TBC1D4: variants seen among roughly 807,000 people sequenced by gnomAD.
TBC1D4 encodes TBC (Tre-2, BUB2, CDC16) domain-containing protein.
TBC1D4 carries 121 observed loss-of-function variants against 142.5 expected under a neutral mutation model. The ratio of observed to expected loss-of-function variants is 0.85; its 90% confidence interval spans 0.73 to 0.99. The LOEUF is 0.99. TBC1D4 is among the 50% of genes least tolerant of loss of function. TBC1D4 has a pLI of 0.00. For synonymous variants in TBC1D4, 630 were observed against 628.2 expected, an observed-to-expected ratio of 1.00 and a Z score of -0.04; for missense variants, 1,475 against 1,606.6, an observed-to-expected ratio of 0.92 and a Z score of 1.40.
At chr13:75,374,478 C>G (rs1403206645) in intron 1 of TBC1D4, among the ~76,000 whole-genome samples, 2 of 152,104 alleles carry the variant, frequency 1.3e-5, no homozygotes, top group African/African-American at 4.8e-5. Context: ...AAGTATTTTT[C>G]AGGGCATAAT....
chr13:75,322,373 C>T (rs1317621458), intron 11 of TBC1D4, among the ~76,000 whole-genome samples: 1 of 152,118 alleles, frequency 6.6e-6, no homozygotes, highest in African/African-American at 2.4e-5. Context: ...AACACAGCTA[C>T]AAAAAGGTGA....
chr13:75,307,783 A>G (rs17064129), intron 14 of TBC1D4, among the ~76,000 whole-genome samples: 1,864 of 152,324 alleles, frequency 0.012, 41 homozygotes, highest in African/African-American at 0.042. Flanking sequence ...GTACAAAACT[A>G]TTCCTTCCGG....
At chr13:75,351,953 T>A (rs1327029889) in intron 4 of TBC1D4, among the ~76,000 whole-genome samples, 1 of 152,194 alleles carries the variant, frequency 6.6e-6, no homozygotes, top group African/African-American at 2.4e-5. Flanking sequence ...TTAAGCCCAT[T>A]TATCACATTT....
chr13:75,390,276 T>G (rs1320867350), intron 1 of TBC1D4, among the ~76,000 whole-genome samples: 2 of 11,716 alleles, frequency 1.7e-4, no homozygotes, highest in Non-Finnish European at 4.5e-4. Context: ...AGAGACTCCG[T>G]CAAAAAAAAA....
intron 1 of TBC1D4, among the ~76,000 whole-genome samples, chr13:75,453,339 T>C (rs1887603365): frequency 6.6e-6 from 1 of 152,080 alleles, no homozygotes; most frequent in Non-Finnish European, 1.5e-5. Context: ...ATATTTCATA[T>C]ATCATAGCCT....
rs575303074 is a variant in TBC1D4, at chr13:75,292,048, T to C, written c.3486+54A>G. The C allele has an allele frequency of 1.9e-5, 28 of 1,446,202 alleles. No homozygotes were observed. The East Asian group carries it at 6.2e-4, about 32-fold the overall frequency. 89.6% of individuals were successfully genotyped at this position (1,446,202 alleles called of 1,614,324 possible). A position where few individuals can be genotyped will look rare whatever the true frequency, so the allele number is the denominator to read the frequency against. Reference sequence around the variant, plus strand: ...TACATTTTTAGGCTAAAGCATTTAATATATATTCAGTAGAGAAAACTGCTA... The same window carrying C: ...TACATTTTTAGGCTAAAGCATTTAACATATATTCAGTAGAGAAAACTGCTA... On this transcript the variant is annotated intron_variant, in intron 19 of 20. Coordinates refer to ENST00000377636, the MANE Select transcript of TBC1D4 (RefSeq NM_014832.5).
At chr13:75,314,667 A>C (rs1878112513) in intron 12 of TBC1D4, among the ~76,000 whole-genome samples, 1 of 152,138 alleles carries the variant, frequency 6.6e-6, no homozygotes, top group Non-Finnish European at 1.5e-5. Context: ...TCCATTGTTC[A>C]AAACTCCTGA....
intron 14 of TBC1D4, among the ~76,000 whole-genome samples, chr13:75,308,738 C>A (rs772004938): frequency 2.0e-5 from 3 of 151,930 alleles, no homozygotes; most frequent in Non-Finnish European, 4.4e-5. Flanking sequence ...TTGAAGCCTG[C>A]GAAACCTCAA....
At position 75,294,917 on chromosome 13, in the gene TBC1D4, C is replaced by G. The variant is rs1189982547; in HGVS notation, c.3253G>C (p.Ala1085Pro). The G allele has an allele frequency of 1.9e-6, 3 of 1,613,892 alleles. No homozygotes were observed. The highest frequency in any genetic ancestry group is 2.5e-6 in the Non-Finnish European group (3 of 1,179,894). The change falls in exon 18 of 21, where the codon GCC becomes CCC. Residue 1085 changes from alanine (A) to proline (P), a missense_variant. Ala to Pro is a conservative substitution (Grantham distance 27). Around this residue, in one of 2 missense-constraint regions of TBC1D4, gnomAD observed 248 missense variants for 338.9 expected, o/e 0.73. Coordinates refer to ENST00000377636, the MANE Select transcript of TBC1D4 (RefSeq NM_014832.5). The part of the protein sequence containing the change: ...ENEISPSLYA[A>P]PWFLTLFASQ... ...GCAAACAATGTGAGGAACCAGGGGG[C>G]AGCATAAAGACTGGGGCTGATTTCA... is the stretch of plus-strand genomic sequence containing the variant.
At chr13:75,290,462 G>A (rs1875177292) in intron 19 of TBC1D4, among the ~76,000 whole-genome samples, 1 of 151,964 alleles carries the variant, frequency 6.6e-6, no homozygotes, top group Non-Finnish European at 1.5e-5. Flanking sequence ...ATAAAGCCAG[G>A]CAATTTCCTC....
Position 75,349,320 on chromosome 13 carries a change from A to T in TBC1D4, c.1276-18T>A, listed in dbSNP as rs750166025. The stretch of plus-strand genomic sequence containing the variant: ...TCATCAACCTACAGGAAGAAACAAA[A>T]CTCAGGTCTATAAAAGTTGGCTTAC... On this transcript the variant is annotated intron_variant, in intron 4 of 20. Coordinates refer to ENST00000377636, the MANE Select transcript of TBC1D4 (RefSeq NM_014832.5). The T allele has an allele frequency of 1.5e-5, 24 of 1,613,414 alleles. No individual in the cohort carries two copies. The East Asian group carries it at 5.1e-4, about 34-fold the overall frequency.
chr13:75,301,467 C>T (rs1876536092), intron 16 of TBC1D4, among the ~76,000 whole-genome samples: 1 of 151,952 alleles, frequency 6.6e-6, no homozygotes, highest in African/African-American at 2.4e-5. Flanking sequence ...CGGTGAAACC[C>T]CATCTCTACT....
chr13:75,407,507 A>T (rs1221932891), intron 1 of TBC1D4, among the ~76,000 whole-genome samples: 1 of 152,234 alleles, frequency 6.6e-6, no homozygotes, highest in Non-Finnish European at 1.5e-5. Flanking sequence ...CAACATTTAC[A>T]ACAAAATTAG....
Position 75,341,542 on chromosome 13 carries a change from G to A in TBC1D4, c.1454C>T (p.Ser485Leu). The change falls in exon 6 of 21, where the codon TCA becomes TTA. Residue 485 changes from serine (S) to leucine (L), a missense_variant. Physicochemically the swap from Ser to Leu is moderately radical, Grantham distance 145. Around this residue, in one of 2 missense-constraint regions of TBC1D4, gnomAD observed 1,227 missense variants for 1,267.7 expected, o/e 0.97. Coordinates refer to ENST00000377636, the MANE Select transcript of TBC1D4 (RefSeq NM_014832.5). ...AGCTTGCTCATTATCTGTCAGTGATGAGAGATGCCTCTGTATCACCAGCTT... is the reference window on the plus strand; with the variant it reads ...AGCTTGCTCATTATCTGTCAGTGATAAGAGATGCCTCTGTATCACCAGCTT... ...RAKLVIQRHL[S>L]SLTDNEQADI... The A allele has an allele frequency of 6.2e-7, 1 of 1,614,032 alleles. No homozygotes were observed. Among genetic ancestry groups the A allele is most frequent in the South Asian group, 1.1e-5 (1 of 91,066 alleles).
chr13:75,454,495 C>T (rs75400358), intron 1 of TBC1D4, among the ~76,000 whole-genome samples: 4,334 of 152,192 alleles, frequency 0.028, 217 homozygotes, highest in East Asian at 0.24. Flanking sequence ...TTTAAAAATA[C>T]GATTCACATG....
chr13:75,432,071 C>T (rs1844585574), intron 1 of TBC1D4, among the ~76,000 whole-genome samples: 1 of 152,204 alleles, frequency 6.6e-6, no homozygotes. Context: ...AAGTAACAGA[C>T]ACCCAATTCA....
intron 1 of TBC1D4, among the ~76,000 whole-genome samples, chr13:75,372,289 G>C (rs1883263790): frequency 7.2e-6 from 1 of 138,796 alleles, no homozygotes; most frequent in South Asian, 2.3e-4. Context: ...TTTTTTTTGA[G>C]ACCAAGTCTC....
chr13:75,318,409 A>T (rs1878489495), intron 12 of TBC1D4, among the ~76,000 whole-genome samples: 1 of 152,364 alleles, frequency 6.6e-6, no homozygotes, highest in African/African-American at 2.4e-5. Flanking sequence ...CTAAATCTGT[A>T]TCTAAATCAC....
intron 1 of TBC1D4, among the ~76,000 whole-genome samples, chr13:75,386,549 T>C: frequency 6.6e-6 from 1 of 151,914 alleles, no homozygotes; most frequent in East Asian, 1.9e-4. Context: ...CCACCAGACC[T>C]GGCTAATTTT....
Sources: gnomAD v4.1 joint callset for allele counts (sites outside exome capture counted in the v4.1 genomes callset) on GRCh38, gnomAD v4.1.1 for gene constraint, gnomAD v4.1.1 regional missense constraint, MANE v1.5 for transcripts, NCBI Gene and HGNC (gene_info 2026-07-23, HGNC 2026-07-21) for gene names.